AKAP10: variants seen among roughly 807,000 people sequenced by gnomAD.
AKAP10 encodes the protein A-kinase anchoring protein 10.
In AKAP10, 24 loss-of-function variants were observed where a neutral mutation model predicts 80.8. That is an observed-to-expected ratio of 0.30 (90% CI 0.22 to 0.42). The LOEUF is 0.42. Ranked by LOEUF, AKAP10 falls within the 10% of genes least tolerant of loss-of-function variation. AKAP10 has a pLI of 1.00. For synonymous variants in AKAP10, 291 were observed against 277.7 expected (o/e 1.05, Z -0.48); for missense variants, 661 against 794.9 (o/e 0.83, Z 2.03).
chr17:19,912,346 G>C (rs1195270505), intron 12 of AKAP10, among the ~76,000 whole-genome samples: 1 of 152,120 alleles, frequency 6.6e-6, no homozygotes, highest in Non-Finnish European at 1.5e-5. Context: ...AGACCAGCCT[G>C]GTCAACATAG....
intron 11 of AKAP10, 65 bp from the exon 12 acceptor site, chr17:19,920,183 T>C (rs2042794598): frequency 7.9e-7 from 1 of 1,261,468 alleles, no homozygotes; most frequent in Non-Finnish European, 1.1e-6. Context: ...GAGAAAACAA[T>C]CAATTTAAAG....
intron 2 of AKAP10, among the ~76,000 whole-genome samples, chr17:19,966,711 A>G (rs776135632): frequency 2.6e-5 from 4 of 152,212 alleles, no homozygotes; most frequent in Non-Finnish European, 5.9e-5. Flanking sequence ...CCCCCCATTC[A>G]ACAAATGAAG....
At position 19,950,954 on chromosome 17, in the gene AKAP10, G is replaced by C. The variant is rs541890472; in HGVS notation, c.878-3449C>G. Among the ~76,000 whole-genome samples the C allele has an allele frequency of 5.0e-3, 741 of 147,340 alleles. 2 individuals are homozygous for C. The highest frequency in any genetic ancestry group is 0.024 in the South Asian group (115 of 4,722). On this transcript the variant is annotated intron_variant, in intron 4 of 14. Coordinates refer to ENST00000225737, the MANE Select transcript of AKAP10 (RefSeq NM_007202.4). ...TGGGATGGGAGGAGCGCCTCTGCCC[G>C]GCCGCGACCCCGTCTGGGAACTGAG...
chr17:19,946,237 T>TATGTA (rs1491288818), intron 5 of AKAP10, among the ~76,000 whole-genome samples: 1 of 15,184 alleles, frequency 6.6e-5, no homozygotes, highest in African/African-American at 3.2e-4. Context: ...TATATATATA[T>TATGTA]TATATATATA....
rs1323501692 is a variant in AKAP10, at chr17:19,905,687, G to C, written c.*540C>G. The stretch of plus-strand genomic sequence containing the variant: ...CCTTCCAAATTAATGCCGCTGTCAA[G>C]AAGACTGCATAATTAACTCTCACCC... On this transcript the variant is annotated 3_prime_UTR_variant, in exon 15 of 15. Coordinates refer to ENST00000225737, the MANE Select transcript of AKAP10 (RefSeq NM_007202.4). The C allele has an allele frequency of 6.6e-6, 1 of 152,620 alleles. No homozygotes were observed. The highest frequency in any genetic ancestry group is 1.5e-5 in the Non-Finnish European group (1 of 68,224). 9.5% of individuals were successfully genotyped at this position (152,620 alleles called of 1,614,324 possible).
At chr17:19,960,723 T>G (rs1414394284) in intron 3 of AKAP10, among the ~76,000 whole-genome samples, 1 of 152,166 alleles carries the variant, frequency 6.6e-6, no homozygotes, top group African/African-American at 2.4e-5. Flanking sequence ...AATTGCATGT[T>G]TCACGTCATA....
At chr17:19,923,898 G>C (rs1412146531) in intron 11 of AKAP10, among the ~76,000 whole-genome samples, 1 of 152,108 alleles carries the variant, frequency 6.6e-6, no homozygotes, top group East Asian at 1.9e-4. Flanking sequence ...CTGGGAACTG[G>C]GGTACGGATC....
chr17:19,911,354 C>G (rs2042687502), intron 12 of AKAP10, among the ~76,000 whole-genome samples: 2 of 152,178 alleles, frequency 1.3e-5, no homozygotes, highest in Non-Finnish European at 2.9e-5. Context: ...AGAATTCAAC[C>G]TTGGACATAT....
At chr17:19,933,225 G>C (rs2042957107) in intron 9 of AKAP10, among the ~76,000 whole-genome samples, 1 of 152,070 alleles carries the variant, frequency 6.6e-6, no homozygotes, top group African/African-American at 2.4e-5. Flanking sequence ...CGCCATGTTG[G>C]CCAAGCTGGT....
At chr17:19,942,287 C>T (rs1194235967) in intron 5 of AKAP10, among the ~76,000 whole-genome samples, 1 of 152,010 alleles carries the variant, frequency 6.6e-6, no homozygotes, top group Non-Finnish European at 1.5e-5. Flanking sequence ...GAGCAAAGGA[C>T]ATGACAATCC....
At chr17:19,945,751 A>G (rs1282600894) in intron 5 of AKAP10, among the ~76,000 whole-genome samples, 3 of 152,222 alleles carry the variant, frequency 2.0e-5, no homozygotes, top group Non-Finnish European at 4.4e-5. Context: ...AAGCACCCAC[A>G]CTAAGGATTA....
intron 8 of AKAP10, 110 bp from the exon 9 acceptor site, chr17:19,936,540 G>T: frequency 9.4e-7 from 1 of 1,064,580 alleles, no homozygotes; most frequent in Non-Finnish European, 1.3e-6. Flanking sequence ...GAGCCTGCAG[G>T]CCTAGAACTA....
chr17:19,947,699 T>A (rs1362802383), intron 4 of AKAP10, among the ~76,000 whole-genome samples, 194 bp from the exon 5 acceptor site: 3 of 152,134 alleles, frequency 2.0e-5, no homozygotes, highest in Non-Finnish European at 4.4e-5. Flanking sequence ...CTATGGAAAA[T>A]GCATATGATG....
rs767264107 is a variant in AKAP10, at chr17:19,958,388, C to A, written c.503G>T (p.Arg168Leu). 6.2e-7 allele frequency: 1 copy of A among 1,614,040 alleles called. No individual in the cohort carries two copies. Among genetic ancestry groups the A allele is most frequent in the Admixed American group, 1.7e-5 (1 of 59,998 alleles). ...AESFHSTTWS[R>L]IRAHSLNTVK... is the part of the protein sequence containing the mutation. ...TGTGTTTAGACTGTGTGCTCTTATT[C>A]GCGACCAAGTTGTTGAATGAAAACT... The change falls in exon 4 of 15, where the codon CGA (arginine) becomes CTA (leucine). Residue 168 changes from arginine (R) to leucine (L), a missense_variant. Physicochemically the swap from Arg to Leu is moderately radical, Grantham distance 102. Coordinates refer to ENST00000225737, the MANE Select transcript of AKAP10 (RefSeq NM_007202.4).
Position 19,904,592 on chromosome 17 carries a change from T to C in AKAP10, c.*1635A>G, listed in dbSNP as rs1034890944. On this transcript the variant is annotated 3_prime_UTR_variant, in exon 15 of 15. Transcript: ENST00000225737. ...AGAACAAAATGAATTAATCACAGCATAGATGACTAATAAAAACCTTGGGTT... is the reference window on the plus strand; with the variant it reads ...AGAACAAAATGAATTAATCACAGCACAGATGACTAATAAAAACCTTGGGTT... 6.6e-6 allele frequency: 1 copy of C among 152,140 alleles called. No homozygotes were observed. Among genetic ancestry groups the C allele is most frequent in the Non-Finnish European group, 1.5e-5 (1 of 68,028 alleles). The allele number at this position is 152,140 out of a possible 1,614,324, so 9.4% of individuals were successfully genotyped here.
At chr17:19,931,386 TTC>T (rs779943356) in intron 10 of AKAP10, among the ~76,000 whole-genome samples, 1 of 151,014 alleles carries the variant, frequency 6.6e-6, no homozygotes, top group South Asian at 2.1e-4. Flanking sequence ...CTAATTTTAT[TTC>T]TCTCTTTTTT....
intron 1 of AKAP10, among the ~76,000 whole-genome samples, chr17:19,976,589 G>C (rs1228998558): frequency 6.6e-6 from 1 of 151,616 alleles, no homozygotes; most frequent in East Asian, 2.0e-4. Context: ...GTGCTATCTC[G>C]GCTCACCGCA....
At chr17:19,975,431 C>A (rs1261847929) in intron 1 of AKAP10, among the ~76,000 whole-genome samples, 1 of 152,164 alleles carries the variant, frequency 6.6e-6, no homozygotes, top group Non-Finnish European at 1.5e-5. Context: ...TTGAAGGGCA[C>A]CATGCTCTTT....
At chr17:19,966,411 T>C (rs2043419354) in intron 2 of AKAP10, among the ~76,000 whole-genome samples, 2 of 152,210 alleles carry the variant, frequency 1.3e-5, no homozygotes, top group Admixed American at 1.3e-4. Flanking sequence ...GGGCAGGACC[T>C]AAGTCTTTTT....
Sources: allele counts gnomAD v4.1 joint callset (sites outside exome capture counted in the v4.1 genomes callset), GRCh38; gene constraint gnomAD v4.1.1; transcripts MANE v1.5; gene names NCBI Gene and HGNC (gene_info 2026-07-23, HGNC 2026-07-21).